The following PVT1 variants were observed in gnomAD, a reference collection of about 807,000 sequenced individuals.
PVT1 encodes the protein Pvt1 oncogene.
chr8:127,930,237 A>G (rs1816188228), intron 3 of PVT1, among the ~76,000 whole-genome samples: 1 of 151,902 alleles, frequency 6.6e-6, no homozygotes, highest in Admixed American at 6.6e-5. Context: ...GCTCACTACA[A>G]CCCTCAACTC....
At chr8:127,801,845 A>G (rs6990534) in intron 2 of PVT1, among the ~76,000 whole-genome samples, 102,880 of 152,028 alleles carry the variant, frequency 0.68, 35,052 homozygotes, top group South Asian at 0.71. Flanking sequence ...TGTGTTAAAC[A>G]CACATTGGAT....
intron 5 of PVT1, among the ~76,000 whole-genome samples, chr8:128,095,599 G>T (rs932981847): frequency 3.3e-5 from 5 of 152,288 alleles, no homozygotes; most frequent in Non-Finnish European, 5.9e-5. Flanking sequence ...CATATTGTCT[G>T]TGACTGCTTT....
intron 3 of PVT1, among the ~76,000 whole-genome samples, chr8:127,973,850 G>T (rs187533335): frequency 6.6e-6 from 1 of 151,966 alleles, no homozygotes; most frequent in Admixed American, 6.6e-5. Context: ...CGTGGTGGTG[G>T]ATGCCTGTAG....
At chr8:127,996,914 C>A (rs1047329819) in intron 4 of PVT1, among the ~76,000 whole-genome samples, 11 of 152,114 alleles carry the variant, frequency 7.2e-5, no homozygotes, top group African/African-American at 2.7e-4. Flanking sequence ...TTGTGAGCCT[C>A]GGTTTCCTCT....
chr8:127,924,715 G>C (rs146896771), intron 3 of PVT1, among the ~76,000 whole-genome samples: 3,862 of 152,132 alleles, frequency 0.025, 185 homozygotes, highest in African/African-American at 0.089. Context: ...GTTTCGCCGT[G>C]TTAGCCAGGA....
rs536843186 is a variant in PVT1 at position 127,926,970 on chromosome 8, C to T, written n.782+35972C>T. 3.3e-5 allele frequency among the ~76,000 whole-genome samples: 5 copies of T among 152,336 alleles called. No homozygotes were observed. In the South Asian group the frequency reaches 1.0e-3, roughly 32 times the overall value. ...CTTGGCACTGTTCCCCCCTTCCTTC[C>T]CTCCTCCGTTCATTCCCCCGAACAT... On this transcript the variant is annotated intron_variant and non_coding_transcript_variant, in intron 3 of 10. Coordinates refer to ENST00000651587, the Ensembl canonical transcript of PVT1.
At chr8:127,917,194 ATC>A (rs1438666567) in intron 3 of PVT1, among the ~76,000 whole-genome samples, 1 of 151,948 alleles carries the variant, frequency 6.6e-6, no homozygotes, top group Admixed American at 6.6e-5. Flanking sequence ...CTACCATCTA[ATC>A]CATCCACGCA....
At chr8:127,834,979 C>A (rs759873910) in intron 2 of PVT1, among the ~76,000 whole-genome samples, 5 of 152,100 alleles carry the variant, frequency 3.3e-5, no homozygotes, top group Non-Finnish European at 7.4e-5. Context: ...GAAATAGGGA[C>A]GCTTTTACAC....
intron 5 of PVT1, among the ~76,000 whole-genome samples, chr8:128,075,907 G>T (rs1161773562): frequency 6.6e-6 from 1 of 152,180 alleles, no homozygotes; most frequent in Non-Finnish European, 1.5e-5. Flanking sequence ...AACCCAGCCA[G>T]GTTCACTGCT....
Position 127,898,523 on chromosome 8 carries a change from C to T in PVT1, n.782+7525C>T, listed in dbSNP as rs1451214265. On this transcript the variant is annotated intron_variant and non_coding_transcript_variant, in intron 3 of 10. Transcript: ENST00000651587. This position sits in a 1 kb window ranked among gnomAD's most constrained non-coding sequence, Gnocchi z 4.4. ...CAAGCTAGGCAGGGAAGCGCCTTTGCTTATCATGCTGGAGACCAGACTGAG... is the reference window on the plus strand; with the variant it reads ...CAAGCTAGGCAGGGAAGCGCCTTTGTTTATCATGCTGGAGACCAGACTGAG... Among the ~76,000 whole-genome samples the T allele has an allele frequency of 6.6e-6, 1 of 152,166 alleles. No homozygotes were observed. Among genetic ancestry groups the T allele is most frequent in the African/African-American group, 2.4e-5 (1 of 41,448 alleles).
intron 2 of PVT1, among the ~76,000 whole-genome samples, chr8:127,863,408 C>T (rs79238608): frequency 0.011 from 1,639 of 152,292 alleles, 30 homozygotes; most frequent in African/African-American, 0.037. Context: ...CCGTGCCTGG[C>T]CAGTTGCCAG....
intron 2 of PVT1, among the ~76,000 whole-genome samples, chr8:127,837,774 T>C (rs1253972789): frequency 2.0e-5 from 3 of 152,190 alleles, no homozygotes; most frequent in Admixed American, 6.5e-5. Context: ...TTTGGAATTC[T>C]GTCCCAGTGT....
chr8:127,950,163 C>A, intron 3 of PVT1, among the ~76,000 whole-genome samples: 1 of 152,370 alleles, frequency 6.6e-6, no homozygotes, highest in South Asian at 2.1e-4. Context: ...CTCTTCTAAT[C>A]TCCCTTTTAC....
chr8:127,980,808 T>G (rs1409356712), intron 3 of PVT1, among the ~76,000 whole-genome samples: 1 of 150,512 alleles, frequency 6.6e-6, no homozygotes, highest in African/African-American at 2.4e-5. Context: ...TTTTTTTTTT[T>G]TTTGTTTGAG....
chr8:127,966,769 TG>T (rs1402478026), intron 3 of PVT1, among the ~76,000 whole-genome samples: 1 of 152,218 alleles, frequency 6.6e-6, no homozygotes, highest in African/African-American at 2.4e-5. Flanking sequence ...AAGTCAAGTG[TG>T]AGCCACAATG....
At chr8:127,954,312 T>TTTA (rs1268011414) in intron 3 of PVT1, among the ~76,000 whole-genome samples, 2 of 150,518 alleles carry the variant, frequency 1.3e-5, no homozygotes, top group Non-Finnish European at 3.0e-5. Flanking sequence ...TTTTTTTTTT[T>TTTA]TTTGAGACAG....
intron 2 of PVT1, among the ~76,000 whole-genome samples, chr8:127,840,220 C>T (rs1393804768): frequency 6.6e-6 from 1 of 152,182 alleles, no homozygotes; most frequent in Admixed American, 6.5e-5. Flanking sequence ...ACGGCCACTG[C>T]CATCAGGAGA....
chr8:127,944,806 C>G (rs185549020), intron 3 of PVT1, among the ~76,000 whole-genome samples: 1 of 152,234 alleles, frequency 6.6e-6, no homozygotes, highest in Non-Finnish European at 1.5e-5. Flanking sequence ...AAAGTGGTAT[C>G]GATGACTCCG....
intron 3 of PVT1, among the ~76,000 whole-genome samples, chr8:127,945,055 C>A (rs1816403272): frequency 6.6e-6 from 1 of 151,920 alleles, no homozygotes. Flanking sequence ...TAAAAATGAA[C>A]CTGAAGTGGG....
Sources: allele counts gnomAD v4.1 joint callset (sites outside exome capture counted in the v4.1 genomes callset), GRCh38; gene constraint gnomAD v4.1.1; non-coding constraint Gnocchi (gnomAD v3.1); transcripts MANE v1.5; gene names NCBI Gene and HGNC (gene_info 2026-07-23, HGNC 2026-07-21).